The following CMTM8 variants were observed in gnomAD, a reference collection of about 807,000 sequenced individuals.
CMTM8 encodes the protein CKLF like MARVEL transmembrane domain containing 8, also known as CKLF-like MARVEL transmembrane domain-containing protein 8.
A neutral mutation model predicts 18.6 loss-of-function variants in CMTM8; 12 were observed. The ratio of observed to expected loss-of-function variants is 0.65; its 90% CI spans 0.41 to 1.05. The LOEUF is 1.05. Among genes scored for constraint, CMTM8 ranks in the 50% least tolerant of loss-of-function variants. The probability of loss-of-function intolerance (pLI) is 0.00; values close to 1 mark genes in which losing one functional copy is unlikely to be tolerated. For synonymous variants in CMTM8, 87 were observed against 90.6 expected, an observed-to-expected ratio of 0.96 and a Z score of 0.23; for missense variants, 217 against 227.2, an observed-to-expected ratio of 0.95 and a Z score of 0.29.
intron 2 of CMTM8, among the ~76,000 whole-genome samples, chr3:32,364,233 G>A (rs1314894268): frequency 2.0e-5 from 3 of 152,144 alleles, no homozygotes; most frequent in Non-Finnish European, 2.9e-5. Context: ...GGCCGGGTGC[G>A]GTGGCTCACG....
chr3:32,246,143 C>G (rs1036358490), intron 1 of CMTM8, among the ~76,000 whole-genome samples: 1 of 152,180 alleles, frequency 6.6e-6, no homozygotes, highest in East Asian at 1.9e-4. Context: ...CTCTTGTAAA[C>G]TACTCTTTTT....
chr3:32,310,596 C>T (rs1013289166), intron 1 of CMTM8, among the ~76,000 whole-genome samples: 12 of 152,174 alleles, frequency 7.9e-5, no homozygotes, highest in Admixed American at 5.9e-4. Flanking sequence ...ACACAGCAAT[C>T]GTGTGTGCCA....
chr3:32,263,084 A>G (rs998729080), intron 1 of CMTM8, among the ~76,000 whole-genome samples: 1 of 151,582 alleles, frequency 6.6e-6, no homozygotes, highest in Non-Finnish European at 1.5e-5. Context: ...TGCATTTCCA[A>G]CTGAGATTGG....
chr3:32,279,289 T>A (rs967389241), intron 1 of CMTM8, among the ~76,000 whole-genome samples: 9 of 145,300 alleles, frequency 6.2e-5, no homozygotes, highest in Non-Finnish European at 1.4e-4. Context: ...CAACGTGTCA[T>A]CTATCATTAG....
At position 32,349,716 on chromosome 3, in the gene CMTM8, T is replaced by A. The variant is rs369690536; in HGVS notation, c.148-7657T>A. 1.4e-4 allele frequency among the ~76,000 whole-genome samples: 21 copies of A among 152,138 alleles called. No homozygotes were observed. In the East Asian group the frequency reaches 3.9e-3, roughly 28 times the overall value. ...AGGGCAGCACTCCAGATCAATAATT[T>A]TATTGGCCAGGCCAGGCCCGGTGGC... On this transcript the variant is annotated intron_variant, in intron 1 of 3. Coordinates refer to ENST00000307526, the MANE Select transcript of CMTM8 (RefSeq NM_178868.5).
At chr3:32,351,116 C>T (rs969012094) in intron 1 of CMTM8, among the ~76,000 whole-genome samples, 2 of 152,186 alleles carry the variant, frequency 1.3e-5, no homozygotes, top group Non-Finnish European at 2.9e-5. Context: ...GTTGAAGCTA[C>T]AGTCATTGGC....
At chr3:32,339,273 G>C (rs1044679316) in intron 1 of CMTM8, among the ~76,000 whole-genome samples, 8 of 152,150 alleles carry the variant, frequency 5.3e-5, no homozygotes, top group Non-Finnish European at 1.2e-4. Context: ...TTAGTTGATC[G>C]TAGAACGTGA....
chr3:32,358,822 T>C lies in CMTM8; in HGVS notation c.321+1276T>C, dbSNP rs1239070369. On this transcript the variant is annotated intron_variant, in intron 2 of 3. Transcript: ENST00000307526. The surrounding 1 kb of genome is among the most constrained non-coding windows in gnomAD (Gnocchi z 4.1). The stretch of plus-strand genomic sequence containing the variant: ...GTGGTGGAAACAGCCTTGTTAGAAT[T>C]GGTGTTTTGCTGCCTCAGATGGGCA... 6.6e-6 allele frequency among the ~76,000 whole-genome samples: 1 copy of C among 152,216 alleles called. No homozygotes were observed. The highest frequency in any genetic ancestry group is 2.4e-5 in the African/African-American group (1 of 41,454).
chr3:32,325,798 C>T (rs1191776134), intron 1 of CMTM8, among the ~76,000 whole-genome samples: 1 of 152,166 alleles, frequency 6.6e-6, no homozygotes, highest in Non-Finnish European at 1.5e-5. Flanking sequence ...CAGCAGATCT[C>T]CAAAATTAGT....
chr3:32,331,075 A>G (rs532730703), intron 1 of CMTM8, among the ~76,000 whole-genome samples: 1 of 152,208 alleles, frequency 6.6e-6, no homozygotes, highest in Non-Finnish European at 1.5e-5. Context: ...ATCTGATAAG[A>G]GGTTAATATC....
chr3:32,321,691 G>A lies in CMTM8; in HGVS notation c.148-35682G>A, dbSNP rs1178966884. Among the ~76,000 whole-genome samples the A allele has an allele frequency of 3.3e-5, 5 of 152,194 alleles. No homozygotes were observed. In the East Asian group the frequency reaches 5.8e-4, roughly 18 times the overall value. ...TGGCTCACTGCAGCCCTGACTTCCC[G>A]GGCTCAAGCAATCCTCCCACCTCAG... On this transcript the variant is annotated intron_variant, in intron 1 of 3. Coordinates refer to ENST00000307526, the MANE Select transcript of CMTM8 (RefSeq NM_178868.5).
intron 1 of CMTM8, among the ~76,000 whole-genome samples, chr3:32,271,333 C>G (rs377097970): frequency 3.9e-5 from 6 of 152,330 alleles, no homozygotes; most frequent in African/African-American, 1.4e-4. Context: ...CCATGTTGGT[C>G]AGGCTGGTCT....
chr3:32,342,486 A>G (rs1186787831), intron 1 of CMTM8, among the ~76,000 whole-genome samples: 3 of 152,226 alleles, frequency 2.0e-5, no homozygotes, highest in Admixed American at 2.0e-4. Flanking sequence ...TGATTATACC[A>G]TTTAACCAAA....
intron 1 of CMTM8, among the ~76,000 whole-genome samples, chr3:32,291,054 A>G (rs1020837237): frequency 2.6e-5 from 4 of 151,594 alleles, no homozygotes; most frequent in African/African-American, 9.7e-5. Context: ...GGCCAATTTT[A>G]TTTTCAAGAT....
At chr3:32,268,046 A>G (rs1702374994) in intron 1 of CMTM8, among the ~76,000 whole-genome samples, 1 of 152,232 alleles carries the variant, frequency 6.6e-6, no homozygotes, top group African/African-American at 2.4e-5. Context: ...CGATTCCTCA[A>G]GGATCTAGAA....
intron 1 of CMTM8, among the ~76,000 whole-genome samples, chr3:32,324,522 G>A (rs1047807046): frequency 2.0e-5 from 3 of 152,170 alleles, no homozygotes; most frequent in South Asian, 2.1e-4. Context: ...TTTTGGGTAC[G>A]TCCTTCCCTT....
intron 1 of CMTM8, among the ~76,000 whole-genome samples, chr3:32,310,963 G>A (rs1263879578): frequency 6.6e-6 from 1 of 151,070 alleles, no homozygotes; most frequent in Non-Finnish European, 1.5e-5. Context: ...AATTGGACCT[G>A]TCTTTCAACA....
At position 32,358,414 on chromosome 3, in the gene CMTM8, G is replaced by A. The variant is rs978202916; in HGVS notation, c.321+868G>A. Among the ~76,000 whole-genome samples, 1 of 152,234 alleles carries A rather than the reference G, an allele frequency of 6.6e-6. No homozygotes were observed. Among genetic ancestry groups the A allele is most frequent in the African/African-American group, 2.4e-5 (1 of 41,466 alleles). On this transcript the variant is annotated intron_variant, in intron 2 of 3. Coordinates refer to ENST00000307526, the MANE Select transcript of CMTM8 (RefSeq NM_178868.5). This position sits in a 1 kb window ranked among gnomAD's most constrained non-coding sequence, Gnocchi z 4.1. Reference sequence around the variant, plus strand: ...AAAAAAAATCCCAGTGGTACCACATGTGTTTATGTATAAAACAGAGCTCTC... The same window carrying A: ...AAAAAAAATCCCAGTGGTACCACATATGTTTATGTATAAAACAGAGCTCTC...
chr3:32,366,231 C>G (rs1697032090), intron 2 of CMTM8, among the ~76,000 whole-genome samples: 1 of 152,200 alleles, frequency 6.6e-6, no homozygotes, highest in African/African-American at 2.4e-5. Flanking sequence ...ACGTCTCTAC[C>G]AACCCTCTTC....
Sources: allele counts gnomAD v4.1 joint callset (sites outside exome capture counted in the v4.1 genomes callset), GRCh38; gene constraint gnomAD v4.1.1; non-coding constraint Gnocchi (gnomAD v3.1); transcripts MANE v1.5; gene names NCBI Gene and HGNC (gene_info 2026-07-23, HGNC 2026-07-21).